The following GIGYF2 variants were observed in gnomAD, a reference collection of about 807,000 sequenced individuals.
The protein encoded by GIGYF2 is GRB10 interacting GYF protein 2, also known as GRB10-interacting GYF protein 2.
Under a neutral mutation model 208.1 loss-of-function variants are expected in GIGYF2, and 25 were observed. That is an observed-to-expected ratio of 0.12 (90% CI 0.09 to 0.17). The LOEUF is 0.17. GIGYF2 is among the 10% of genes least tolerant of loss of function. The pLI is 1.00. For missense variants in GIGYF2, 1,302 were observed against 1,579.4 expected, an observed-to-expected ratio of 0.82 and a Z score of 2.98; for synonymous variants, 534 against 543.8, an observed-to-expected ratio of 0.98 and a Z score of 0.25.
chr2:232,787,473 A>G, intron 9 of GIGYF2, 144 bp downstream of exon 9: 1 of 762,708 alleles, frequency 1.3e-6, no homozygotes, highest in South Asian at 1.7e-5. Context: ...TTTTATTACT[A>G]GAAAAAATTG....
chr2:232,745,009 TC>T (rs1199728903), intron 3 of GIGYF2, among the ~76,000 whole-genome samples: 1 of 152,222 alleles, frequency 6.6e-6, no homozygotes, highest in African/African-American at 2.4e-5. Flanking sequence ...GCTTCAGTGT[TC>T]AGTGGATATT....
chr2:232,754,442 A>ACTTT (rs1285770445), intron 5 of GIGYF2, among the ~76,000 whole-genome samples: 4 of 152,224 alleles, frequency 2.6e-5, no homozygotes, highest in African/African-American at 9.6e-5. Flanking sequence ...ACTAGTTTAT[A>ACTTT]CTTTCATCAG....
intron 3 of GIGYF2, among the ~76,000 whole-genome samples, chr2:232,739,303 A>G (rs1276525967): frequency 6.8e-6 from 1 of 147,976 alleles, no homozygotes; most frequent in Non-Finnish European, 1.5e-5. Flanking sequence ...AGTTGCAGTG[A>G]GCCGAAATTG....
intron 8 of GIGYF2, among the ~76,000 whole-genome samples, chr2:232,777,313 C>T (rs1699554689): frequency 6.6e-6 from 1 of 152,114 alleles, no homozygotes; most frequent in African/African-American, 2.4e-5. Context: ...GTACAGTGTA[C>T]AGAAAATGTA....
At chr2:232,758,303 CT>C (rs1391784743) in intron 6 of GIGYF2, among the ~76,000 whole-genome samples, 2 of 152,096 alleles carry the variant, frequency 1.3e-5, no homozygotes, top group East Asian at 3.9e-4. Context: ...ATATCATGTA[CT>C]AGTAAAATTT....
At chr2:232,739,116 T>C (rs1697862794) in intron 3 of GIGYF2, among the ~76,000 whole-genome samples, 2 of 151,726 alleles carry the variant, frequency 1.3e-5, no homozygotes, top group Non-Finnish European at 1.5e-5. Context: ...CCCAGCACTT[T>C]GGGAGGCCGA....
chr2:232,776,358 T>G, intron 8 of GIGYF2: 1 of 911,492 alleles, frequency 1.1e-6, no homozygotes, highest in Admixed American at 2.1e-5. Context: ...CTGTTGGAAG[T>G]AATCTAGCTC....
At chr2:232,819,434 A>G (rs929670208) in intron 20 of GIGYF2, among the ~76,000 whole-genome samples, 2 of 152,116 alleles carry the variant, frequency 1.3e-5, no homozygotes, top group African/African-American at 4.8e-5. Context: ...TTTGGTGGCT[A>G]TGTTGATTTG....
intron 14 of GIGYF2, among the ~76,000 whole-genome samples, chr2:232,805,112 C>A (rs530445040): frequency 2.0e-5 from 3 of 151,850 alleles, no homozygotes; most frequent in Non-Finnish European, 4.4e-5. Context: ...TTTTAAAAAT[C>A]TTTTTATGTT....
chr2:232,797,205 A>G (rs1308734458), intron 14 of GIGYF2, among the ~76,000 whole-genome samples: 2 of 152,176 alleles, frequency 1.3e-5, no homozygotes. Flanking sequence ...TTCGATTAGA[A>G]TGGGCACAGA....
chr2:232,855,753 T>C (rs1256432089), intron 28 of GIGYF2, among the ~76,000 whole-genome samples: 1 of 152,144 alleles, frequency 6.6e-6, no homozygotes, highest in Admixed American at 6.5e-5. Context: ...GTCAAGTAGT[T>C]ACAAAGAACT....
At chr2:232,756,190 TTTTTCTC>T in intron 5 of GIGYF2, 26 bp from the exon 6 acceptor site, 1 of 1,266,174 alleles carries the variant, frequency 7.9e-7, no homozygotes, top group Non-Finnish European at 1.1e-6. Context: ...CTTTTTTTCC[TTTTTCTC>T]TTTTTTTTTT....
At chr2:232,737,763 A>G (rs1200885340) in intron 3 of GIGYF2, among the ~76,000 whole-genome samples, 1 of 151,994 alleles carries the variant, frequency 6.6e-6, no homozygotes, top group African/African-American at 2.4e-5. Flanking sequence ...TATTAAGGTC[A>G]TCATTTTTGT....
chr2:232,799,011 A>C (rs935961052), intron 14 of GIGYF2, among the ~76,000 whole-genome samples: 4 of 151,344 alleles, frequency 2.6e-5, no homozygotes, highest in African/African-American at 9.7e-5. Flanking sequence ...ATCTGTTTCT[A>C]TGAATTTTAC....
chr2:232,828,881 T>C (rs996128732), intron 21 of GIGYF2: 2 of 152,186 alleles, frequency 1.3e-5, no homozygotes, highest in African/African-American at 2.4e-5. Flanking sequence ...GCTAGAATTA[T>C]AGGCAGGAGC....
At chr2:232,705,365 A>G (rs1308769870) in intron 2 of GIGYF2, 2 of 152,168 alleles carry the variant, frequency 1.3e-5, no homozygotes, top group African/African-American at 4.8e-5. Context: ...TACTAAAGCA[A>G]ACTTTTTTAA....
intron 14 of GIGYF2, among the ~76,000 whole-genome samples, chr2:232,800,965 C>T (rs1700380571): frequency 6.6e-6 from 1 of 152,018 alleles, no homozygotes; most frequent in African/African-American, 2.4e-5. Flanking sequence ...GCAACCTCTG[C>T]CTTCTGGGTT....
intron 8 of GIGYF2, among the ~76,000 whole-genome samples, chr2:232,769,183 TAG>T (rs1453309410): frequency 6.6e-6 from 1 of 152,166 alleles, no homozygotes; most frequent in Non-Finnish European, 1.5e-5. Context: ...TACGTTGAAG[TAG>T]AGACTAGGTT....
chr2:232,708,157 G>C lies in GIGYF2; in HGVS notation c.-44+4668G>C, dbSNP rs190345343. Among the ~76,000 whole-genome samples, 56 of 151,068 alleles carry C rather than the reference G, an allele frequency of 3.7e-4. No homozygotes were observed. In the East Asian group the frequency reaches 8.9e-3, roughly 24 times the overall value. Reference sequence around the variant, plus strand: ...TCTATTTTTGTAGAGACTGGTTTTTGCCATGTTGCCCAGGCTGGTCTTGAA... The same window carrying C: ...TCTATTTTTGTAGAGACTGGTTTTTCCCATGTTGCCCAGGCTGGTCTTGAA... On this transcript the variant is annotated intron_variant, in intron 2 of 28. Transcript: ENST00000373563.
Sources: gnomAD v4.1 joint callset for allele counts (sites outside exome capture counted in the v4.1 genomes callset) on GRCh38, gnomAD v4.1.1 for gene constraint, MANE v1.5 for transcripts, NCBI Gene and HGNC (gene_info 2026-07-23, HGNC 2026-07-21) for gene names.